Variants in GLIS3 observed in about 807,000 individuals in gnomAD.
GLIS3 encodes zinc finger protein GLIS3.
In GLIS3, 53 loss-of-function variants were observed where a neutral mutation model predicts 78.6. That is an observed-to-expected ratio of 0.67 (90% CI 0.54 to 0.85). The LOEUF (loss-of-function observed/expected upper bound fraction) is 0.85, where lower values mean the gene tolerates loss of function less well. GLIS3 is among the 40% of genes least tolerant of loss of function. The pLI is 0.00. For missense variants in GLIS3, 1,703 were observed against 1,231.1 expected (o/e 1.38, Z -5.74); for synonymous variants, 684 against 509.9 (o/e 1.34, Z -4.60).
rs377474203 is a variant in GLIS3, at chr9:4,260,841, C to G, written c.388+25197G>C. 2.0e-5 allele frequency among the ~76,000 whole-genome samples: 3 copies of G among 152,228 alleles called. No homozygotes were observed. The South Asian group carries it at 6.2e-4, about 31-fold the overall frequency. ...GGCTCATTACTGGCCTGAAACCTCT[C>G]TCTCTTTCTCTCCATGTATTACTGC... is the stretch of plus-strand genomic sequence containing the variant. On this transcript the variant is annotated intron_variant, in intron 2 of 10. Coordinates refer to ENST00000381971, the MANE Select transcript of GLIS3 (RefSeq NM_001042413.2).
chr9:4,077,958 T>A (rs1350824449), intron 4 of GLIS3, among the ~76,000 whole-genome samples: 3 of 152,230 alleles, frequency 2.0e-5, no homozygotes, highest in African/African-American at 7.2e-5. Flanking sequence ...TTTTATGCAG[T>A]CACTTTCTTC....
At chr9:3,967,034 C>CAAAAA (rs1307568514) in intron 4 of GLIS3, among the ~76,000 whole-genome samples, 1 of 94,354 alleles carries the variant, frequency 1.1e-5, no homozygotes, top group South Asian at 3.3e-4. Flanking sequence ...AAAAAAAAAA[C>CAAAAA]AAAAAAACAT....
chr9:4,444,009 T>C, the GLIS3 span, among the ~76,000 whole-genome samples: 4 of 152,282 alleles, frequency 2.6e-5, no homozygotes, highest in East Asian at 7.7e-4. Context: ...AGCTGTGTAA[T>C]GTGTTGATGA....
chr9:4,327,674 A>G (rs1012843604), intron 2 of GLIS3, among the ~76,000 whole-genome samples: 2 of 152,224 alleles, frequency 1.3e-5, no homozygotes, highest in Non-Finnish European at 1.5e-5. Flanking sequence ...CCACCACATC[A>G]CACAACTCCA....
the GLIS3 span, among the ~76,000 whole-genome samples, chr9:4,433,748 C>T: frequency 0.03 from 4,501 of 152,342 alleles, 216 homozygotes; most frequent in African/African-American, 0.1. Context: ...CTTTGGCTGG[C>T]TTTTGCACAG....
At chr9:3,937,328 A>G in intron 4 of GLIS3, 139 bp from the exon 5 acceptor site, 1 of 824,296 alleles carries the variant, frequency 1.2e-6, no homozygotes, top group Non-Finnish European at 1.9e-6. Context: ...AGTAATAAAT[A>G]TTGCTCCTAA....
intron 4 of GLIS3, among the ~76,000 whole-genome samples, chr9:4,080,093 A>C (rs1245174388): frequency 2.6e-5 from 4 of 152,250 alleles, no homozygotes; most frequent in African/African-American, 4.8e-5. Flanking sequence ...GTCAAATTCA[A>C]TGACTAACTA....
chr9:4,053,597 T>C (rs1825897563), intron 4 of GLIS3, among the ~76,000 whole-genome samples: 1 of 151,350 alleles, frequency 6.6e-6, no homozygotes, highest in Non-Finnish European at 1.5e-5. Flanking sequence ...ATAGCAGGTC[T>C]TTCTCTAGTG....
At chr9:4,356,679 A>C in the GLIS3 span, among the ~76,000 whole-genome samples, 1 of 152,246 alleles carries the variant, frequency 6.6e-6, no homozygotes, top group African/African-American at 2.4e-5. Flanking sequence ...GTGATCAAAG[A>C]CTGCTTGTTT....
chr9:3,989,552 C>T (rs145394657), intron 4 of GLIS3, among the ~76,000 whole-genome samples: 1 of 152,182 alleles, frequency 6.6e-6, no homozygotes, highest in East Asian at 1.9e-4. Context: ...TATTACTCAG[C>T]AATAAAAAGG....
At chr9:3,856,221 T>C (rs1293817262) in intron 8 of GLIS3, 37 bp from the exon 9 acceptor site, 2 of 1,566,564 alleles carry the variant, frequency 1.3e-6, no homozygotes, top group Non-Finnish European at 1.7e-6. Context: ...ATGAGGGACA[T>C]AAAACAGCAG....
Position 4,344,448 on chromosome 9 carries a change from T to G in GLIS3, n.264+2633A>C, listed in dbSNP as rs142979349. On this transcript the variant is annotated intron_variant and non_coding_transcript_variant, in intron 2 of 4. Transcript: ENST00000471664. ...GGCCTCCTGGAAATCCTGGTTTTCT[T>G]CTGACTTCGTTATCACGTCTTCTCT... Among the ~76,000 whole-genome samples the G allele has an allele frequency of 7.3e-3, 1,108 of 152,340 alleles. 11 individuals carry two copies. Among genetic ancestry groups the G allele is most frequent in the African/African-American group, 0.025 (1,026 of 41,560 alleles).
chr9:4,348,587 A>G (rs1306742430), upstream of GLIS3, among the ~76,000 whole-genome samples: 1 of 152,260 alleles, frequency 6.6e-6, no homozygotes, highest in Non-Finnish European at 1.5e-5. Flanking sequence ...TGGACATAAT[A>G]TAGTCCCATT....
rs116218517 is a variant in GLIS3, at chr9:4,292,059, A to T, written c.-98-5536T>A. Among the ~76,000 whole-genome samples, 615 of 152,248 alleles carry T rather than the reference A, an allele frequency of 4.0e-3. 6 individuals carry two copies. Among genetic ancestry groups the T allele is most frequent in the African/African-American group, 0.014 (567 of 41,562 alleles). On this transcript the variant is annotated intron_variant, in intron 1 of 10. Transcript: ENST00000381971. ...CACACAAAATGAAAACGAACTTGGAACCAAAAAGATTTTTAAGAAAAACGT... is the reference window on the plus strand; with the variant it reads ...CACACAAAATGAAAACGAACTTGGATCCAAAAAGATTTTTAAGAAAAACGT...
At chr9:3,828,508 G>T in intron 10 of GLIS3, 100 bp from the exon 11 acceptor site, 2 of 1,472,832 alleles carry the variant, frequency 1.4e-6, no homozygotes, top group Non-Finnish European at 1.9e-6. Flanking sequence ...GAGGACTGGG[G>T]GCTAAGGAGG....
the GLIS3 span, among the ~76,000 whole-genome samples, chr9:4,420,422 A>G: frequency 6.6e-6 from 1 of 152,336 alleles, no homozygotes; most frequent in East Asian, 1.9e-4. Context: ...ATCTAGCTAG[A>G]CAAGCATCTT....
chr9:3,972,184 T>G (rs1420665522), intron 4 of GLIS3, among the ~76,000 whole-genome samples: 2 of 152,192 alleles, frequency 1.3e-5, no homozygotes, highest in African/African-American at 4.8e-5. Context: ...AAGTACTGCT[T>G]GATTTGGGGA....
the GLIS3 span, among the ~76,000 whole-genome samples, chr9:4,378,882 C>G: frequency 6.6e-6 from 1 of 152,194 alleles, no homozygotes; most frequent in Non-Finnish European, 1.5e-5. Flanking sequence ...GAGACTGATT[C>G]TTCCTCTATG....
intron 5 of GLIS3, among the ~76,000 whole-genome samples, chr9:3,934,266 C>CA (rs1825771354): frequency 1.3e-5 from 2 of 152,236 alleles, no homozygotes; most frequent in African/African-American, 2.4e-5. Context: ...CTGGCGATCC[C>CA]ATTGTAAAAG....
Sources: gnomAD v4.1 joint callset for allele counts (sites outside exome capture counted in the v4.1 genomes callset) on GRCh38, gnomAD v4.1.1 for gene constraint, MANE v1.5 for transcripts, NCBI Gene and HGNC (gene_info 2026-07-23, HGNC 2026-07-21) for gene names.